FSIP2: variants seen among roughly 807,000 people sequenced by gnomAD.
FSIP2 encodes the protein fibrous sheath-interacting protein 2.
FSIP2 carries 367 observed loss-of-function variants against 510.5 expected under a neutral mutation model. The observed-to-expected ratio is 0.72, with a 90% CI of 0.66 to 0.78. FSIP2 has a LOEUF of 0.78. Among genes scored for constraint, FSIP2 ranks in the 30% least tolerant of loss-of-function variants. The pLI is 0.00. For missense variants in FSIP2, 7,594 were observed against 7,901.7 expected (o/e 0.96, Z 1.48); for synonymous variants, 2,601 against 2,732.2 (o/e 0.95, Z 1.50).
At chr2:185,825,644 T>C (rs1310131734) in intron 20 of FSIP2, among the ~76,000 whole-genome samples, 1 of 151,820 alleles carries the variant, frequency 6.6e-6, no homozygotes, top group African/African-American at 2.4e-5. Flanking sequence ...ATATGCTTTA[T>C]CCAACTTAAT....
In FSIP2 at chr2:185,797,534, A is replaced by T. The variant is rs1693321455; in HGVS notation, c.10390+8A>T. On this transcript the variant is annotated splice_region_variant and intron_variant, in intron 16 of 22. Transcript: ENST00000424728. ...AGAACTTTGAAACTACAGGTAAGCA[A>T]GAGAGAACGTACCTAAAAATTTGCA... 1.1e-5 allele frequency: 16 copies of T among 1,487,342 alleles called. No homozygotes were observed. Among genetic ancestry groups the T allele is most frequent in the African/African-American group, 1.4e-5 (1 of 70,344 alleles). 92.1% of individuals were successfully genotyped at this position (1,487,342 alleles called of 1,614,324 possible).
At chr2:185,820,813 T>C (rs1693901896) in intron 19 of FSIP2, among the ~76,000 whole-genome samples, 1 of 150,986 alleles carries the variant, frequency 6.6e-6, no homozygotes. Flanking sequence ...ATGTTAAGAG[T>C]AAAATTTATA....
intron 17 of FSIP2, 134 bp downstream of exon 17, chr2:185,809,267 T>A: frequency 1.1e-6 from 1 of 944,262 alleles, no homozygotes; most frequent in Non-Finnish European, 1.5e-6. Flanking sequence ...GAGAATTAGT[T>A]GCATCAGTTC....
At position 185,814,046 on chromosome 2, in the gene FSIP2, A is replaced by G. The variant is rs561196240; in HGVS notation, c.20325+4A>G. 6.2e-7 allele frequency: 1 copy of G among 1,605,850 alleles called. No individual in the cohort carries two copies. Among genetic ancestry groups the G allele is most frequent in the East Asian group, 2.2e-5 (1 of 44,740 alleles). On this transcript the variant is annotated splice_donor_region_variant and intron_variant, in intron 18 of 22. Transcript: ENST00000424728. ...GGAGGAAAAGCCCCAGTGTAAGGTA[A>G]GTGATAAGCATGACTGTTAGTGACT...
At chr2:185,812,175 C>G (rs1693746090) in intron 17 of FSIP2, among the ~76,000 whole-genome samples, 1 of 152,126 alleles carries the variant, frequency 6.6e-6, no homozygotes, top group Non-Finnish European at 1.5e-5. Context: ...GAGTATCCAC[C>G]AGTGCTGCAA....
rs1331369755 is a variant in FSIP2 at position 185,803,798 on chromosome 2, A to G, written c.14492A>G (p.Asn4831Ser). 3 of 1,514,922 alleles carry G rather than the reference A, an allele frequency of 2.0e-6. No homozygotes were observed. Among genetic ancestry groups the G allele is most frequent in the Admixed American group, 2.1e-5 (1 of 48,046 alleles). 93.8% of individuals were successfully genotyped at this position (1,514,922 alleles called of 1,614,324 possible). The change falls in exon 17 of 23, where the codon AAT becomes AGT. Residue 4831 changes from asparagine to serine, a missense_variant. Asn to Ser is a conservative substitution (Grantham distance 46). Transcript: ENST00000424728. ...DLSNTVIKLI[N>S]EIMSIISKHE... ...AGTAATACAGTGATAAAACTGATAA[A>G]TGAAATTATGTCAATAATTTCAAAA...
At chr2:185,768,213 T>C (rs1245373114) in intron 13 of FSIP2, among the ~76,000 whole-genome samples, 3 of 152,156 alleles carry the variant, frequency 2.0e-5, no homozygotes, top group African/African-American at 7.2e-5. Flanking sequence ...TATACAATTC[T>C]GTAGGTTGCT....
chr2:185,822,381 T>C (rs1206779009), intron 19 of FSIP2, among the ~76,000 whole-genome samples: 2 of 151,854 alleles, frequency 1.3e-5, no homozygotes, highest in Non-Finnish European at 2.9e-5. Flanking sequence ...AGACATAAAA[T>C]CAACACAGAA....
chr2:185,750,153 G>C (rs932495410), intron 7 of FSIP2, among the ~76,000 whole-genome samples: 2 of 151,558 alleles, frequency 1.3e-5, no homozygotes, highest in African/African-American at 4.8e-5. Context: ...TTTGGTATCA[G>C]GGTAATGCTG....
rs775691945 is a variant in FSIP2, at chr2:185,808,870, G to A, written c.19564G>A (p.Val6522Ile). 6.2e-7 allele frequency: 1 copy of A among 1,609,584 alleles called. No individual in the cohort carries two copies. The highest frequency in any genetic ancestry group is 8.5e-7 in the Non-Finnish European group (1 of 1,178,632). Residue 6522 changes from valine to isoleucine, a missense_variant, in exon 17 of 23, where the codon GTT becomes ATT. Physicochemically the swap from Val to Ile is conservative, Grantham distance 29. Transcript: ENST00000424728. Reference sequence around the variant, plus strand: ...TGAAGAGGAATCTCCAATTAAAATAGTTCCACATGTTGGAAAAAAACCAGT... The same window carrying A: ...TGAAGAGGAATCTCCAATTAAAATAATTCCACATGTTGGAAAAAAACCAGT... ...LSEEESPIKI[V>I]PHVGKKPVKI...
chr2:185,813,977 A>G lies in FSIP2; in HGVS notation c.20260A>G (p.Met6754Val), dbSNP rs750401033. ...HVKRAVAELDMATPKTMPETA... is the reference protein window; with the variant it reads ...HVKRAVAELDVATPKTMPETA... Reference sequence around the variant, plus strand: ...TAAAAGAGCTGTTGCTGAGCTTGACATGGCCACACCAAAGACGATGCCTGA... The same window carrying G: ...TAAAAGAGCTGTTGCTGAGCTTGACGTGGCCACACCAAAGACGATGCCTGA... Residue 6754 changes from methionine (M) to valine (V), a missense_variant, in exon 18 of 23, where the codon ATG becomes GTG. Physicochemically the swap from Met to Val is conservative, Grantham distance 21. Coordinates refer to ENST00000424728, the MANE Select transcript of FSIP2 (RefSeq NM_173651.4). The G allele has an allele frequency of 1.2e-5, 19 of 1,613,522 alleles. No individual in the cohort carries two copies. Among genetic ancestry groups the G allele is most frequent in the Non-Finnish European group, 1.4e-5 (16 of 1,179,654 alleles).
intron 13 of FSIP2, among the ~76,000 whole-genome samples, chr2:185,781,502 C>G (rs1559022028): frequency 6.6e-6 from 1 of 152,140 alleles, no homozygotes. Flanking sequence ...TTTAGGAGCT[C>G]TTAGTTTTAA....
rs1693255103 is a variant in FSIP2 at position 185,795,775 on chromosome 2, T to C, written c.8639T>C (p.Leu2880Pro). The C allele has an allele frequency of 6.5e-7, 1 of 1,533,988 alleles. No homozygotes were observed. Among genetic ancestry groups the C allele is most frequent in the Middle Eastern group, 1.7e-4 (1 of 5,974 alleles). The stretch of plus-strand genomic sequence containing the variant: ...AAAGCAAAAGAATTAGAATATTCTC[T>C]TTCACTTTTAAATTTGCCCCCTCTT... Reference protein sequence around the residue: ...SIKAKELEYSLSLLNLPPLEN... With the variant: ...SIKAKELEYSPSLLNLPPLEN... Residue 2880 changes from leucine (L) to proline (P), a missense_variant, in exon 16 of 23, where the codon CTT becomes CCT. By Grantham distance (98) the Leu-to-Pro change is moderately conservative. Transcript: ENST00000424728.
In FSIP2 at chr2:185,786,281, A is replaced by G; in HGVS notation, c.1499A>G (p.Gln500Arg). ...MQQNLLQNCL[Q>R]EKVTSEELNI... ...CAGAACTTGCTGCAAAATTGCTTGC[A>G]AGAAAAAGTATGTATCATAAAATCC... Residue 500 changes from glutamine (Q) to arginine (R), a missense_variant, in exon 15 of 23, where the codon CAA (glutamine) becomes CGA (arginine). Physicochemically the swap from Gln to Arg is conservative, Grantham distance 43 (BLOSUM62 1). Transcript: ENST00000424728. The G allele has an allele frequency of 6.6e-7, 1 of 1,524,476 alleles. No homozygotes were observed. Among genetic ancestry groups the G allele is most frequent in the Non-Finnish European group, 8.8e-7 (1 of 1,138,390 alleles). The allele number at this position is 1,524,476 out of a possible 1,614,324, so 94.4% of individuals were successfully genotyped here.
Position 185,803,613 on chromosome 2 carries a change from A to G in FSIP2, c.14307A>G (p.Gln4769=), listed in dbSNP as rs1195426117. ...CAAATGTTTTAATACAAAGAGTTCAATATGATATAAGTAAATCAAGATTCC... is the reference window on the plus strand; with the variant it reads ...CAAATGTTTTAATACAAAGAGTTCAGTATGATATAAGTAAATCAAGATTCC... ...LSANVLIQRV[Q]YDISKSRFQR... The change falls in exon 17 of 23, where the codon CAA becomes CAG. Residue 4769 remains glutamine (Q), a synonymous_variant. Coordinates refer to ENST00000424728, the MANE Select transcript of FSIP2 (RefSeq NM_173651.4). 1 of 1,530,614 alleles carries G rather than the reference A, an allele frequency of 6.5e-7. No individual in the cohort carries two copies. The highest frequency in any genetic ancestry group is 8.7e-7 in the Non-Finnish European group (1 of 1,143,802). 94.8% of individuals were successfully genotyped at this position (1,530,614 alleles called of 1,614,324 possible).
rs1693142146 is a variant in FSIP2, at chr2:185,791,998, A to G, written c.4862A>G (p.Tyr1621Cys). Residue 1621 changes from tyrosine to cysteine, a missense_variant, in exon 16 of 23, where the codon TAT becomes TGT. By Grantham distance (194) the Tyr-to-Cys change is radical (BLOSUM62 -2). Coordinates refer to ENST00000424728, the MANE Select transcript of FSIP2 (RefSeq NM_173651.4). ...NKKSNKIGWE[Y>C]ESTNISRDTH... ...AAAAGCAATAAGATAGGCTGGGAATATGAAAGCACCAATATTTCCAGAGAC... is the reference window on the plus strand; with the variant it reads ...AAAAGCAATAAGATAGGCTGGGAATGTGAAAGCACCAATATTTCCAGAGAC... 8 of 1,534,000 alleles carry G rather than the reference A, an allele frequency of 5.2e-6. No individual in the cohort carries two copies. The highest frequency in any genetic ancestry group is 2.0e-5 in the Admixed American group (1 of 50,844).
In FSIP2 at chr2:185,808,740, T is replaced by C. The variant is rs775461807; in HGVS notation, c.19434T>C (p.Asp6478=). 1 of 1,612,672 alleles carries C rather than the reference T, an allele frequency of 6.2e-7. No individual in the cohort carries two copies. The highest frequency in any genetic ancestry group is 1.3e-5 in the African/African-American group (1 of 74,950). The stretch of plus-strand genomic sequence containing the variant: ...TTAACTCAACAATTTCAAATGCTGA[T>C]CTCTCTGGAGAGCTAGACGTTAATA... ...DTINSTISNA[D]LSGELDVNRI... The change falls in exon 17 of 23, where the codon GAT becomes GAC. Residue 6478 remains aspartate (D), a synonymous_variant. Coordinates refer to ENST00000424728, the MANE Select transcript of FSIP2 (RefSeq NM_173651.4).
rs931850377 is a variant in FSIP2 at position 185,809,285 on chromosome 2, C to A, written c.19827+152C>A. The A allele has an allele frequency of 4.5e-5, 37 of 816,486 alleles. No homozygotes were observed. The African/African-American group carries it at 6.1e-4, about 14-fold the overall frequency. The allele number at this position is 816,486 out of a possible 1,614,324, so 50.6% of individuals were successfully genotyped here. ...AATTAGTTGCATCAGTTCATCCATA[C>A]AGTCATATTATTTACTAGGATTTGT... On this transcript the variant is annotated intron_variant, in intron 17 of 22. Coordinates refer to ENST00000424728, the MANE Select transcript of FSIP2 (RefSeq NM_173651.4).
At chr2:185,816,292 T>C (rs1396849686) in intron 19 of FSIP2, among the ~76,000 whole-genome samples, 4 of 151,864 alleles carry the variant, frequency 2.6e-5, no homozygotes. Context: ...CCATTGTCTC[T>C]TTTCTCCTAC....
Sources: allele counts gnomAD v4.1 joint callset (sites outside exome capture counted in the v4.1 genomes callset), GRCh38; gene constraint gnomAD v4.1.1; transcripts MANE v1.5; gene names NCBI Gene and HGNC (gene_info 2026-07-23, HGNC 2026-07-21).